NCAM2: variants seen among roughly 807,000 people sequenced by gnomAD.
NCAM2 encodes N-CAM-2.
NCAM2 carries 30 observed loss-of-function variants against 98.1 expected under a neutral mutation model. The ratio of observed to expected loss-of-function variants is 0.31; its 90% CI spans 0.23 to 0.41. NCAM2 has a LOEUF of 0.41. NCAM2 is among the 10% of genes least tolerant of loss of function. NCAM2 has a pLI of 1.00. For synonymous variants in NCAM2, 368 were observed against 342.4 expected (o/e 1.07, Z -0.83); for missense variants, 867 against 1,005.8 (o/e 0.86, Z 1.87).
At chr21:21,484,792 C>A (rs185203384) in intron 15 of NCAM2, among the ~76,000 whole-genome samples, 2 of 152,274 alleles carry the variant, frequency 1.3e-5, no homozygotes, top group Admixed American at 1.3e-4. Context: ...GGGATTGCTA[C>A]TTTCAGCTAC....
rs1601838095 is a variant in NCAM2, at chr21:21,274,709, T to G, written c.56-5869T>G. Among the ~76,000 whole-genome samples, 4 of 152,162 alleles carry G rather than the reference T, an allele frequency of 2.6e-5. No homozygotes were observed. The South Asian group carries it at 8.3e-4, about 32-fold the overall frequency. ...TAAATATCTTAGTCTTTTAACACTG[T>G]TAATGTGGAAGCCTAGAAAAATAAA... On this transcript the variant is annotated intron_variant, in intron 1 of 17. Coordinates refer to ENST00000400546, the MANE Select transcript of NCAM2 (RefSeq NM_004540.5).
At chr21:21,453,066 T>A in intron 12 of NCAM2, among the ~76,000 whole-genome samples, 1 of 122,668 alleles carries the variant, frequency 8.2e-6, no homozygotes, top group South Asian at 2.3e-4. Context: ...TATAAATATA[T>A]TTATAAATTA....
intron 1 of NCAM2, among the ~76,000 whole-genome samples, chr21:21,217,833 A>T (rs2069967916): frequency 6.6e-6 from 1 of 152,146 alleles, no homozygotes. Flanking sequence ...AGACACCACC[A>T]CATCTGCTAG....
At position 21,275,427 on chromosome 21, in the gene NCAM2, G is replaced by A. The variant is rs574140460; in HGVS notation, c.56-5151G>A. Among the ~76,000 whole-genome samples the A allele has an allele frequency of 7.1e-4, 107 of 151,170 alleles. 1 individual carries two copies. The highest frequency in any genetic ancestry group is 1.8e-3 in the Admixed American group (27 of 15,168). On this transcript the variant is annotated intron_variant, in intron 1 of 17. Transcript: ENST00000400546. ...TGCACTCCAGCCTGGGCGACAGAGCGAGACTCTGTCATAAAAAAATAAAAA... is the reference window on the plus strand; with the variant it reads ...TGCACTCCAGCCTGGGCGACAGAGCAAGACTCTGTCATAAAAAAATAAAAA...
At chr21:21,074,284 T>A (rs897623234) in intron 1 of NCAM2, among the ~76,000 whole-genome samples, 3 of 152,012 alleles carry the variant, frequency 2.0e-5, no homozygotes, top group African/African-American at 4.8e-5. Flanking sequence ...ATAAAATAAA[T>A]TTTACATTTA....
At chr21:21,299,240 A>G (rs2073616309) in intron 5 of NCAM2, among the ~76,000 whole-genome samples, 1 of 151,262 alleles carries the variant, frequency 6.6e-6, no homozygotes, top group Non-Finnish European at 1.5e-5. Context: ...CTATGAAACC[A>G]TATCAGTATT....
chr21:21,425,625 A>G (rs1247647027), intron 11 of NCAM2, among the ~76,000 whole-genome samples: 1 of 151,236 alleles, frequency 6.6e-6, no homozygotes, highest in Non-Finnish European at 1.5e-5. Flanking sequence ...ACTTCAGTTT[A>G]ATTCATGGAT....
chr21:21,205,031 CAT>C (rs566062975), intron 1 of NCAM2, among the ~76,000 whole-genome samples: 2,039 of 150,854 alleles, frequency 0.014, 48 homozygotes, highest in African/African-American at 0.046. Flanking sequence ...TGCAAAATAA[CAT>C]ATATATATAT....
chr21:21,259,010 A>G (rs1483370900), intron 1 of NCAM2, among the ~76,000 whole-genome samples: 2 of 152,100 alleles, frequency 1.3e-5, no homozygotes, highest in African/African-American at 4.8e-5. Flanking sequence ...GAGGGTCATC[A>G]TTGTGCCTTG....
chr21:21,094,669 T>C (rs555129713), intron 1 of NCAM2, among the ~76,000 whole-genome samples: 15 of 151,882 alleles, frequency 9.9e-5, no homozygotes, highest in Middle Eastern at 3.4e-3. Context: ...TAAATGTATG[T>C]AGTGTTTTGA....
At chr21:21,353,693 C>A (rs2075399711) in intron 8 of NCAM2, among the ~76,000 whole-genome samples, 1 of 152,188 alleles carries the variant, frequency 6.6e-6, no homozygotes, top group Non-Finnish European at 1.5e-5. Context: ...CTAACTCCTT[C>A]AAATTTTTCC....
At chr21:21,189,494 G>C (rs138739440) in intron 1 of NCAM2, among the ~76,000 whole-genome samples, 107 of 152,254 alleles carry the variant, frequency 7.0e-4, no homozygotes, top group African/African-American at 2.5e-3. Flanking sequence ...GGGAGGCCAA[G>C]GCAGGAGGAT....
chr21:21,130,759 G>A (rs942294421), intron 1 of NCAM2, among the ~76,000 whole-genome samples: 2 of 151,792 alleles, frequency 1.3e-5, no homozygotes, highest in African/African-American at 4.8e-5. Context: ...TTTTAACAGT[G>A]GTATTAACTT....
intron 1 of NCAM2, among the ~76,000 whole-genome samples, chr21:21,086,815 C>T (rs2065913927): frequency 6.6e-6 from 1 of 151,988 alleles, no homozygotes; most frequent in South Asian, 2.1e-4. Flanking sequence ...TAAGAGATTT[C>T]AGTTTAAATG....
At chr21:21,493,346 T>A (rs1028235937) in intron 15 of NCAM2, among the ~76,000 whole-genome samples, 2 of 151,886 alleles carry the variant, frequency 1.3e-5, no homozygotes, top group Non-Finnish European at 2.9e-5. Context: ...TCCATGCAGG[T>A]AATAGAGATA....
intron 13 of NCAM2, among the ~76,000 whole-genome samples, chr21:21,467,396 AT>A (rs970604624): frequency 2.1e-5 from 3 of 145,766 alleles, no homozygotes; most frequent in African/African-American, 7.7e-5. Context: ...ATATATATAT[AT>A]ATCGTTGTAT....
chr21:21,482,365 T>C (rs1237692971), intron 15 of NCAM2, among the ~76,000 whole-genome samples: 1 of 152,152 alleles, frequency 6.6e-6, no homozygotes, highest in Non-Finnish European at 1.5e-5. Context: ...AAATGAAATA[T>C]AAATTCAAAC....
intron 1 of NCAM2, among the ~76,000 whole-genome samples, chr21:21,194,239 C>A (rs2146981466): frequency 6.6e-6 from 1 of 152,072 alleles, no homozygotes; most frequent in South Asian, 2.1e-4. Context: ...ATGTTTTTTT[C>A]ATTTAAGTAT....
chr21:21,037,169 C>T lies in NCAM2; in HGVS notation c.55+38551C>T, dbSNP rs533360729. 5.9e-5 allele frequency among the ~76,000 whole-genome samples: 9 copies of T among 152,262 alleles called. No individual in the cohort carries two copies. In the South Asian group the frequency reaches 1.2e-3, roughly 21 times the overall value. The stretch of plus-strand genomic sequence containing the variant: ...TCAGTCTCCCTAATAGCTGGAACTA[C>T]AGGCCTGCGCCACCACGCCTGGCTA... On this transcript the variant is annotated intron_variant, in intron 1 of 17. Transcript: ENST00000400546.
Sources: gnomAD v4.1 joint callset for allele counts (sites outside exome capture counted in the v4.1 genomes callset) on GRCh38, gnomAD v4.1.1 for gene constraint, MANE v1.5 for transcripts, NCBI Gene and HGNC (gene_info 2026-07-23, HGNC 2026-07-21) for gene names.